FHIT: variants seen among roughly 807,000 people sequenced by gnomAD.
FHIT encodes bis(5'-adenosyl)-triphosphatase.
In FHIT, 19 loss-of-function variants were observed where a neutral mutation model predicts 17.9. That is an observed-to-expected ratio of 1.06 (90% confidence interval 0.74 to 1.56). FHIT has a LOEUF of 1.56. Among genes scored for constraint, FHIT ranks in the 40% most tolerant of loss-of-function variants. The pLI, the probability that FHIT is intolerant of heterozygous loss-of-function variation, is 0.00. For missense variants in FHIT, 248 were observed against 189.2 expected, an observed-to-expected ratio of 1.31 and a Z score of -1.82; for synonymous variants, 81 against 69.7, an observed-to-expected ratio of 1.16 and a Z score of -0.81.
Position 60,383,744 on chromosome 3 carries a change from T to A in FHIT, c.103+153116A>T, listed in dbSNP as rs149012226. On this transcript the variant is annotated intron_variant, in intron 5 of 9. Transcript: ENST00000492590. ...TTAGAGAGTTAGGAGGTACATCTACTATAAAAATAGCATTTTTCAACAGAG... is the reference window on the plus strand; with the variant it reads ...TTAGAGAGTTAGGAGGTACATCTACAATAAAAATAGCATTTTTCAACAGAG... Among the ~76,000 whole-genome samples, 1,344 of 152,334 alleles carry A rather than the reference T, an allele frequency of 8.8e-3. 25 individuals are homozygous for A. Among genetic ancestry groups the A allele is most frequent in the African/African-American group, 0.031 (1,300 of 41,578 alleles).
intron 3 of FHIT, among the ~76,000 whole-genome samples, chr3:60,869,697 T>A (rs1490570963): frequency 6.6e-6 from 1 of 152,068 alleles, no homozygotes; most frequent in African/African-American, 2.4e-5. Context: ...TGGAAGATAG[T>A]TCACTAAAAA....
At chr3:60,502,004 G>A (rs1050942716) in intron 5 of FHIT, among the ~76,000 whole-genome samples, 6 of 152,184 alleles carry the variant, frequency 3.9e-5, no homozygotes, top group East Asian at 1.9e-4. Flanking sequence ...CTGAGAGACC[G>A]ACGAGTAGAC....
chr3:60,944,838 C>T (rs1553775365), intron 3 of FHIT, among the ~76,000 whole-genome samples: 1 of 152,110 alleles, frequency 6.6e-6, no homozygotes, highest in Non-Finnish European at 1.5e-5. Context: ...CCATAGTAGT[C>T]AGCACACTTT....
At chr3:60,507,264 A>G (rs1359649632) in intron 5 of FHIT, among the ~76,000 whole-genome samples, 1 of 152,010 alleles carries the variant, frequency 6.6e-6, no homozygotes, top group Admixed American at 6.5e-5. Context: ...GAGAGAAACA[A>G]CATGCAAAGG....
At chr3:61,038,319 T>C (rs532578820) in intron 3 of FHIT, among the ~76,000 whole-genome samples, 2 of 151,956 alleles carry the variant, frequency 1.3e-5, no homozygotes, top group African/African-American at 4.8e-5. Flanking sequence ...TAAGAAAAAA[T>C]AAGAGTGGTG....
At chr3:60,680,942 C>T (rs575530794) in intron 4 of FHIT, among the ~76,000 whole-genome samples, 23 of 152,258 alleles carry the variant, frequency 1.5e-4, no homozygotes, top group Admixed American at 3.9e-4. Flanking sequence ...ATAGCTACTA[C>T]GTACAAAGCA....
chr3:60,493,085 G>T (rs1249824529), intron 5 of FHIT, among the ~76,000 whole-genome samples: 2 of 152,142 alleles, frequency 1.3e-5, no homozygotes, highest in Non-Finnish European at 2.9e-5. Context: ...AGAGAAAATG[G>T]TTCTTACTTG....
intron 4 of FHIT, among the ~76,000 whole-genome samples, chr3:60,619,425 TGAG>T (rs2039050433): frequency 6.6e-6 from 1 of 151,938 alleles, no homozygotes. Context: ...CAATATTAAA[TGAG>T]AAGAACAAAG....
At chr3:59,922,113 A>G (rs1705434031) in intron 8 of FHIT, among the ~76,000 whole-genome samples, 2 of 152,152 alleles carry the variant, frequency 1.3e-5, no homozygotes, top group Admixed American at 1.3e-4. Context: ...AATCACAAGG[A>G]CACTTGGTTT....
chr3:60,327,969 T>C (rs1709779842), intron 5 of FHIT, among the ~76,000 whole-genome samples: 1 of 152,230 alleles, frequency 6.6e-6, no homozygotes, highest in Admixed American at 6.5e-5. Flanking sequence ...GCCACAGTGA[T>C]CCCAGAGCCC....
At chr3:60,808,512 A>G (rs2142296) in intron 4 of FHIT, among the ~76,000 whole-genome samples, 61,141 of 151,968 alleles carry the variant, frequency 0.4, 14,186 homozygotes, top group East Asian at 0.77. Context: ...CAAAAGGCAA[A>G]ATTGAAACAA....
chr3:60,389,365 A>G (rs188047998), intron 5 of FHIT, among the ~76,000 whole-genome samples: 20 of 152,300 alleles, frequency 1.3e-4, no homozygotes, highest in African/African-American at 4.6e-4. Context: ...ACTTTCAGAA[A>G]TAGAAGATAG....
intron 5 of FHIT, among the ~76,000 whole-genome samples, chr3:60,031,953 G>A (rs1701020575): frequency 6.6e-6 from 1 of 152,052 alleles, no homozygotes; most frequent in Non-Finnish European, 1.5e-5. Context: ...TAAATCACAG[G>A]TATTTAAAAA....
chr3:61,095,597 C>T (rs764616038), intron 2 of FHIT, among the ~76,000 whole-genome samples: 3 of 152,148 alleles, frequency 2.0e-5, no homozygotes, highest in African/African-American at 7.2e-5. Flanking sequence ...CACAGCAGCA[C>T]AGCCTAAAAT....
chr3:60,673,416 C>G (rs1395869426), intron 4 of FHIT, among the ~76,000 whole-genome samples: 2 of 151,948 alleles, frequency 1.3e-5, no homozygotes, highest in Non-Finnish European at 2.9e-5. Context: ...AACACAGGAA[C>G]AGAAAACCAA....
At chr3:60,939,871 G>T (rs1305000059) in intron 3 of FHIT, among the ~76,000 whole-genome samples, 3 of 151,964 alleles carry the variant, frequency 2.0e-5, no homozygotes, top group African/African-American at 4.8e-5. Flanking sequence ...TAACTTCTGG[G>T]TCTTTGATTT....
chr3:60,036,403 CGT>C (rs1316361541), intron 5 of FHIT, among the ~76,000 whole-genome samples: 5 of 152,098 alleles, frequency 3.3e-5, no homozygotes, highest in African/African-American at 9.7e-5. Flanking sequence ...ATTGGAATTC[CGT>C]GTTTCCCATA....
chr3:61,241,817 T>A (rs2040379478), intron 1 of FHIT, among the ~76,000 whole-genome samples: 1 of 152,218 alleles, frequency 6.6e-6, no homozygotes, highest in African/African-American at 2.4e-5. Context: ...TTCTCAATTT[T>A]CTCTTCTATT....
intron 5 of FHIT, among the ~76,000 whole-genome samples, chr3:60,507,666 C>T (rs1253335511): frequency 6.6e-6 from 1 of 152,128 alleles, no homozygotes; most frequent in Non-Finnish European, 1.5e-5. Context: ...TCCTCTCCCT[C>T]CTTCCATCTT....
Sources: gnomAD v4.1 joint callset for allele counts (sites outside exome capture counted in the v4.1 genomes callset) on GRCh38, gnomAD v4.1.1 for gene constraint, MANE v1.5 for transcripts, NCBI Gene and HGNC (gene_info 2026-07-23, HGNC 2026-07-21) for gene names.